TSC22D3: variants seen among roughly 807,000 people sequenced by gnomAD.
TSC22D3 encodes the protein TSC22 domain family protein 3.
TSC22D3 carries 4 observed loss-of-function variants against 11.1 expected under a neutral mutation model. The observed-to-expected ratio is 0.36, with a 90% CI of 0.18 to 0.83. TSC22D3 has a LOEUF of 0.83. Ranked by LOEUF, TSC22D3 falls within the 40% of genes least tolerant of loss-of-function variation. The pLI is 0.48. For missense variants in TSC22D3, 118 were observed against 159.4 expected, an observed-to-expected ratio of 0.74 and a Z score of 1.40; for synonymous variants, 77 against 70.3, an observed-to-expected ratio of 1.10 and a Z score of -0.48.
intron 1 of TSC22D3, among the ~76,000 whole-genome samples, chrX:107,729,941 C>G (rs780467638): frequency 2.7e-5 from 3 of 112,525 alleles, no homozygotes; most frequent in Non-Finnish European, 5.6e-5. Context: ...TTTAAGCAAA[C>G]CTGACATTAT....
At chrX:107,766,738 C>T (rs1382048085) in intron 1 of TSC22D3, among the ~76,000 whole-genome samples, 1 of 111,104 alleles carries the variant, frequency 9.0e-6, no homozygotes. Context: ...TGGCATTTGC[C>T]TCTGAGCAGA....
chrX:107,751,782 T>C (rs1049382622), intron 1 of TSC22D3, among the ~76,000 whole-genome samples: 1 of 112,141 alleles, frequency 8.9e-6, no homozygotes, highest in Non-Finnish European at 1.9e-5. Context: ...AGGGATGGCC[T>C]TACACATAGA....
At chrX:107,747,681 C>T (rs896504309) in intron 1 of TSC22D3, among the ~76,000 whole-genome samples, 1 of 113,128 alleles carries the variant, frequency 8.8e-6, no homozygotes, top group African/African-American at 3.2e-5. Flanking sequence ...CCCAGACACT[C>T]GGCTGTTGCC....
Position 107,715,897 on chromosome X carries a change from AC to A in TSC22D3, c.372+1del. 8.3e-7 allele frequency: 1 copy of A among 1,211,227 alleles called. No individual in the cohort carries two copies. Among genetic ancestry groups the A allele is most frequent in the Non-Finnish European group, 1.1e-6 (1 of 895,145 alleles). ...TGAGAATGACGCAGTGATGCCACTC[AC>A]CATGGCCTGTTCGATCTTGTTGTCT... On this transcript the variant is annotated splice_donor_variant, in intron 2 of 2. Coordinates refer to ENST00000372383, the MANE Select transcript of TSC22D3 (RefSeq NM_198057.3). LOFTEE classifies it high-confidence loss of function.
chrX:107,774,736 A>G (rs182658581), intron 1 of TSC22D3, among the ~76,000 whole-genome samples: 172 of 112,242 alleles, frequency 1.5e-3, no homozygotes, highest in African/African-American at 5.4e-3. Flanking sequence ...TGAGAAGGGT[A>G]GAACTTGGAA....
At chrX:107,729,302 C>T (rs186448927) in intron 1 of TSC22D3, among the ~76,000 whole-genome samples, 11 of 111,517 alleles carry the variant, frequency 9.9e-5, no homozygotes, top group African/African-American at 3.6e-4. Context: ...TCTGTGGCTG[C>T]TGGGGTTGAT....
intron 1 of TSC22D3, among the ~76,000 whole-genome samples, chrX:107,742,796 C>G (rs757856715): frequency 5.4e-5 from 6 of 111,935 alleles, no homozygotes; most frequent in Non-Finnish European, 1.1e-4. Flanking sequence ...CCACGCACGT[C>G]CTCCCTGCGA....
At chrX:107,770,943 G>A (rs1420166587) in intron 1 of TSC22D3, among the ~76,000 whole-genome samples, 1 of 112,121 alleles carries the variant, frequency 8.9e-6, no homozygotes, top group Non-Finnish European at 1.9e-5. Flanking sequence ...AATGACAAGG[G>A]GGAAGTCCCC....
chrX:107,739,459 C>T (rs1451650043), intron 1 of TSC22D3, among the ~76,000 whole-genome samples: 1 of 112,537 alleles, frequency 8.9e-6, no homozygotes, highest in African/African-American at 3.2e-5. Flanking sequence ...TGGTCCTTTC[C>T]AGTCCTGGCC....
intron 1 of TSC22D3, among the ~76,000 whole-genome samples, chrX:107,750,499 C>T (rs1484190509): frequency 2.7e-5 from 3 of 111,311 alleles, no homozygotes; most frequent in African/African-American, 9.8e-5. Flanking sequence ...GCGAGGACGG[C>T]GAGCAAAACT....
chrX:107,730,916 A>G (rs1292254430), intron 1 of TSC22D3, among the ~76,000 whole-genome samples: 1 of 111,390 alleles, frequency 9.0e-6, no homozygotes. Flanking sequence ...GCAGTAGGGG[A>G]CCTGCCTTCC....
intron 1 of TSC22D3, among the ~76,000 whole-genome samples, chrX:107,759,261 C>T (rs1296102996): frequency 9.0e-6 from 1 of 110,808 alleles, no homozygotes; most frequent in Non-Finnish European, 1.9e-5. Flanking sequence ...TTCTCATTCT[C>T]TTTTTTTTGT....
intron 1 of TSC22D3, among the ~76,000 whole-genome samples, chrX:107,754,039 C>T (rs930628279): frequency 9.1e-6 from 1 of 110,490 alleles, no homozygotes; most frequent in Admixed American, 9.6e-5. Context: ...TCTCAGCCTC[C>T]CGAGTAGCTG....
intron 1 of TSC22D3, 30 bp downstream of exon 1, chrX:107,775,070 C>G: frequency 8.3e-7 from 1 of 1,198,781 alleles, no homozygotes; most frequent in Non-Finnish European, 1.1e-6. Flanking sequence ...GAGCAAGGAC[C>G]GAGTTGCCGC....
intron 1 of TSC22D3, chrX:107,717,149 G>T: frequency 1.3e-6 from 1 of 767,302 alleles, no homozygotes. Context: ...GTCCTGTACC[G>T]GGCTTTGTGG....
chrX:107,744,129 G>T (rs944863180), intron 1 of TSC22D3, among the ~76,000 whole-genome samples: 3 of 111,930 alleles, frequency 2.7e-5, no homozygotes, highest in Non-Finnish European at 5.6e-5. Flanking sequence ...CAATCAGGTC[G>T]ATCGATTTAA....
rs1407674589 is a variant in TSC22D3, at chrX:107,713,831, T to C, written c.*688A>G. 2 of 112,872 alleles carry C rather than the reference T, an allele frequency of 1.8e-5. No homozygotes were observed. The highest frequency in any genetic ancestry group is 1.9e-4 in the Admixed American group (2 of 10,697). 9.3% of individuals were successfully genotyped at this position (112,872 alleles called of 1,213,427 possible). On this transcript the variant is annotated 3_prime_UTR_variant, in exon 3 of 3. Coordinates refer to ENST00000372383, the MANE Select transcript of TSC22D3 (RefSeq NM_198057.3). ...ACATGTAGGTGGATGTGTATATGTA[T>C]ACATCGCTACACTAAGATACAGATC...
intron 2 of TSC22D3, 106 bp from the exon 3 acceptor site, chrX:107,714,855 C>A (rs2147712235): frequency 1.3e-6 from 1 of 764,512 alleles, no homozygotes; most frequent in East Asian, 3.2e-5. Context: ...AATGCCAGGG[C>A]CCTCCAGCCT....
chrX:107,749,271 G>C (rs1254839110), intron 1 of TSC22D3, among the ~76,000 whole-genome samples: 1 of 110,184 alleles, frequency 9.1e-6, no homozygotes, highest in African/African-American at 3.3e-5. Context: ...CAGCTACTCA[G>C]GAGCTGAGGC....
Sources: allele counts gnomAD v4.1 joint callset (sites outside exome capture counted in the v4.1 genomes callset), GRCh38; gene constraint gnomAD v4.1.1; transcripts MANE v1.5; gene names NCBI Gene and HGNC (gene_info 2026-07-23, HGNC 2026-07-21).